The following NCKAP5 variants were observed in gnomAD, a reference collection of about 807,000 sequenced individuals.
NCKAP5 encodes NCK associated protein 5.
A neutral mutation model predicts 167.0 loss-of-function variants in NCKAP5; 92 were observed. The observed-to-expected ratio is 0.55, with a 90% CI of 0.47 to 0.66. NCKAP5 has a LOEUF of 0.66. NCKAP5 is among the 30% of genes least tolerant of loss of function. The pLI is 0.00. For synonymous variants in NCKAP5, 891 were observed against 877.4 expected (o/e 1.02, Z -0.27); for missense variants, 2,378 against 2,315.0 (o/e 1.03, Z -0.56).
chr2:133,483,238 A>C (rs1028730266), intron 3 of NCKAP5, among the ~76,000 whole-genome samples: 3 of 152,188 alleles, frequency 2.0e-5, no homozygotes, highest in Non-Finnish European at 1.5e-5. Flanking sequence ...AAAAATCTAC[A>C]TTATTATGGT....
intron 3 of NCKAP5, among the ~76,000 whole-genome samples, chr2:133,367,212 C>G (rs1685505927): frequency 6.6e-6 from 1 of 152,198 alleles, no homozygotes; most frequent in Admixed American, 6.5e-5. Context: ...GCCTGGGTTA[C>G]AGACCTGACC....
chr2:132,703,765 G>C (rs944667144), intron 19 of NCKAP5, among the ~76,000 whole-genome samples: 1 of 152,130 alleles, frequency 6.6e-6, no homozygotes, highest in African/African-American at 2.4e-5. Flanking sequence ...AGGTTGTAGA[G>C]ATTACCAAGA....
At chr2:133,422,272 A>G (rs1574928340) in intron 3 of NCKAP5, among the ~76,000 whole-genome samples, 1 of 152,216 alleles carries the variant, frequency 6.6e-6, no homozygotes, top group African/African-American at 2.4e-5. Flanking sequence ...AGGTTGCTCT[A>G]TGTTCCTACA....
intron 3 of NCKAP5, among the ~76,000 whole-genome samples, chr2:133,338,504 C>A (rs567234742): frequency 6.6e-6 from 1 of 152,298 alleles, no homozygotes; most frequent in South Asian, 2.1e-4. Context: ...TTAATCAATT[C>A]TTCTCATAGC....
chr2:133,456,593 T>A (rs1185520688), intron 3 of NCKAP5, among the ~76,000 whole-genome samples: 2 of 152,156 alleles, frequency 1.3e-5, no homozygotes, highest in Non-Finnish European at 2.9e-5. Context: ...TATGTCATGA[T>A]ATTTTAGATG....
chr2:133,252,779 G>C (rs116366705), intron 4 of NCKAP5, among the ~76,000 whole-genome samples: 2 of 152,092 alleles, frequency 1.3e-5, no homozygotes, highest in South Asian at 2.1e-4. Flanking sequence ...GGTCTACAAG[G>C]GTTCTAAAGT....
the NCKAP5 span, among the ~76,000 whole-genome samples, chr2:133,652,558 A>G: frequency 6.6e-6 from 1 of 152,234 alleles, no homozygotes; most frequent in African/African-American, 2.4e-5. Context: ...TCCCTGTAGT[A>G]TGCATTCTTG....
intron 11 of NCKAP5, among the ~76,000 whole-genome samples, chr2:132,824,863 C>G (rs1159325721): frequency 1.3e-5 from 2 of 152,220 alleles, no homozygotes; most frequent in Non-Finnish European, 2.9e-5. Context: ...CACAGCAAGA[C>G]TGATGACTCA....
chr2:133,066,108 C>T (rs1482202577), intron 6 of NCKAP5, among the ~76,000 whole-genome samples: 1 of 152,070 alleles, frequency 6.6e-6, no homozygotes, highest in Admixed American at 6.5e-5. Context: ...AAGATAATTA[C>T]AACTGAAGGA....
chr2:132,954,211 T>C (rs2149162550), intron 8 of NCKAP5, among the ~76,000 whole-genome samples: 1 of 152,268 alleles, frequency 6.6e-6, no homozygotes, highest in East Asian at 1.9e-4. Flanking sequence ...TTTCCCACAG[T>C]ATAAAGTTTT....
intron 13 of NCKAP5, among the ~76,000 whole-genome samples, chr2:132,787,313 A>G (rs1260705182): frequency 6.9e-6 from 1 of 144,002 alleles, no homozygotes; most frequent in Non-Finnish European, 1.5e-5. Context: ...GCACCATTGC[A>G]CTCCCTCCCA....
intron 2 of NCKAP5, among the ~76,000 whole-genome samples, chr2:133,522,918 G>C (rs2104780610): frequency 6.6e-6 from 1 of 152,312 alleles, no homozygotes; most frequent in South Asian, 2.1e-4. Context: ...TGGGTTGGAG[G>C]CCTCTCCTTC....
chr2:133,564,960 CAG>C (rs1688439786), intron 1 of NCKAP5, among the ~76,000 whole-genome samples: 1 of 152,156 alleles, frequency 6.6e-6, no homozygotes, highest in Non-Finnish European at 1.5e-5. Flanking sequence ...TCGTGAGACA[CAG>C]AGGCTGAAGA....
At chr2:133,604,780 C>T in the NCKAP5 span, among the ~76,000 whole-genome samples, 1 of 152,170 alleles carries the variant, frequency 6.6e-6, no homozygotes, top group East Asian at 1.9e-4. Context: ...ACGAGTAGGG[C>T]TAAGACCGGC....
intron 2 of NCKAP5, among the ~76,000 whole-genome samples, chr2:133,523,103 C>T (rs1274933211): frequency 1.7e-5 from 2 of 119,320 alleles, no homozygotes; most frequent in Admixed American, 8.4e-5. Context: ...GCCTTAATAA[C>T]TCTTTTTTTT....
At chr2:133,231,381 A>G (rs1441779207) in intron 4 of NCKAP5, among the ~76,000 whole-genome samples, 1 of 152,154 alleles carries the variant, frequency 6.6e-6, no homozygotes, top group Admixed American at 6.5e-5. Flanking sequence ...GTTACCTAAC[A>G]TCTTACTGGG....
intron 6 of NCKAP5, among the ~76,000 whole-genome samples, chr2:133,053,204 G>A (rs191303119): frequency 2.6e-4 from 39 of 152,166 alleles, no homozygotes; most frequent in Non-Finnish European, 1.2e-4. Flanking sequence ...TTCTTTATTC[G>A]AGAGCAGTCA....
Position 133,509,134 on chromosome 2 carries a change from C to T in NCKAP5, c.69+8324G>A, listed in dbSNP as rs79547295. On this transcript the variant is annotated intron_variant, in intron 3 of 19. Transcript: ENST00000409261. ...GATGCTATGGTCAGCACTAATGGCA[C>T]GTGAAGCTACCTAACAATTTTTGCA... Among the ~76,000 whole-genome samples the T allele has an allele frequency of 5.5e-4, 83 of 152,270 alleles. No individual in the cohort carries two copies. In the East Asian group the frequency reaches 0.016, roughly 28 times the overall value.
rs1453346470 is a variant in NCKAP5 at position 132,682,921 on chromosome 2, G to A, written c.5714-9616C>T. 2.7e-5 allele frequency among the ~76,000 whole-genome samples: 4 copies of A among 146,736 alleles called. No individual in the cohort carries two copies. The East Asian group carries it at 6.0e-4, about 22-fold the overall frequency. Reference sequence around the variant, plus strand: ...TTTTTTTGAGACAGAGTCTCACTCTGTTACCCAGGCTGGAGTGCAGTGATG... The same window carrying A: ...TTTTTTTGAGACAGAGTCTCACTCTATTACCCAGGCTGGAGTGCAGTGATG... On this transcript the variant is annotated intron_variant, in intron 19 of 19. Transcript: ENST00000409261.
Sources: gnomAD v4.1 joint callset for allele counts (sites outside exome capture counted in the v4.1 genomes callset) on GRCh38, gnomAD v4.1.1 for gene constraint, MANE v1.5 for transcripts, NCBI Gene and HGNC (gene_info 2026-07-23, HGNC 2026-07-21) for gene names.